The following ANKRD33B variants were observed in gnomAD, a reference collection of about 807,000 sequenced individuals.
ANKRD33B encodes the protein ankyrin repeat domain 33B, also known as ankyrin repeat domain-containing protein 33B.
Under a neutral mutation model 21.5 loss-of-function variants are expected in ANKRD33B, and 6 were observed. The ratio of observed to expected loss-of-function variants is 0.28; its 90% CI spans 0.15 to 0.55. ANKRD33B has a LOEUF of 0.55. Ranked by LOEUF, ANKRD33B falls within the 20% of genes least tolerant of loss-of-function variation. The pLI, the probability that ANKRD33B is intolerant of heterozygous loss-of-function variation, is 0.94. For synonymous variants in ANKRD33B, 347 were observed against 342.4 expected (o/e 1.01, Z -0.15); for missense variants, 698 against 747.2 (o/e 0.93, Z 0.77).
chr5:10,577,606 C>A (rs771411850), intron 1 of ANKRD33B, among the ~76,000 whole-genome samples: 4 of 152,110 alleles, frequency 2.6e-5, no homozygotes, highest in Non-Finnish European at 5.9e-5. Context: ...AAGGGCATGA[C>A]CCTTTCCATG....
chr5:10,592,464 A>C (rs976279335), intron 1 of ANKRD33B, among the ~76,000 whole-genome samples: 2 of 150,184 alleles, frequency 1.3e-5, no homozygotes, highest in Non-Finnish European at 3.0e-5. Flanking sequence ...AAAAAAAAAA[A>C]AAAAAAAAAA....
Position 10,652,834 on chromosome 5 carries a change from C to T in ANKRD33B, c.*2721C>T. The T allele has an allele frequency of 3.4e-6, 1 of 294,384 alleles. No homozygotes were observed. Among genetic ancestry groups the T allele is most frequent in the Non-Finnish European group, 7.1e-6 (1 of 141,602 alleles). 18.2% of individuals were successfully genotyped at this position (294,384 alleles called of 1,614,324 possible). ...TGTCCAGTGATGCTCCTGGTGTCCA[C>T]AAAACAGCTCTAGAGATACCTGCAT... On this transcript the variant is annotated 3_prime_UTR_variant, in exon 4 of 4. Transcript: ENST00000296657. The surrounding 1 kb of genome is among the most constrained non-coding windows in gnomAD (Gnocchi z 4.1).
At chr5:10,648,896 G>A (rs1242459859) in intron 3 of ANKRD33B, among the ~76,000 whole-genome samples, 3 of 152,218 alleles carry the variant, frequency 2.0e-5, no homozygotes, top group African/African-American at 7.2e-5. Flanking sequence ...TTTGGAAGGC[G>A]GAGGTGGGAG....
At chr5:10,579,151 T>A (rs1265486801) in intron 1 of ANKRD33B, among the ~76,000 whole-genome samples, 2 of 138,356 alleles carry the variant, frequency 1.4e-5, no homozygotes, top group Non-Finnish European at 3.0e-5. Flanking sequence ...GCAAGGGAAG[T>A]GATACTGTGT....
chr5:10,638,003 TA>T, intron 2 of ANKRD33B, 24 bp from the exon 3 acceptor site: 1 of 1,535,054 alleles, frequency 6.5e-7, no homozygotes, highest in Non-Finnish European at 8.7e-7. Context: ...TGGGAACCAA[TA>T]CACGTGTACA....
At chr5:10,605,747 T>G (rs1247408493) in intron 1 of ANKRD33B, among the ~76,000 whole-genome samples, 4 of 152,212 alleles carry the variant, frequency 2.6e-5, no homozygotes, top group African/African-American at 9.6e-5. Context: ...CAGGCTGGTC[T>G]CGAACATCTG....
intron 1 of ANKRD33B, among the ~76,000 whole-genome samples, chr5:10,614,429 T>C (rs539902728): frequency 3.9e-5 from 6 of 152,322 alleles, no homozygotes; most frequent in Non-Finnish European, 5.9e-5. Flanking sequence ...CTTCCTTCTG[T>C]TCTTAATATT....
chr5:10,592,876 GCCCTTTTCACCCCTCTGATCAGA>G (rs1735727485), intron 1 of ANKRD33B, among the ~76,000 whole-genome samples: 1 of 151,980 alleles, frequency 6.6e-6, no homozygotes, highest in African/African-American at 2.4e-5. Context: ...TTGCTGACTT[GCCCTTTTCACCCCTCTGATCAGA>G]CCCATCCACC....
At chr5:10,609,452 T>C (rs1035472838) in intron 1 of ANKRD33B, among the ~76,000 whole-genome samples, 1 of 152,110 alleles carries the variant, frequency 6.6e-6, no homozygotes, top group Non-Finnish European at 1.5e-5. Flanking sequence ...CTAGGGAGGC[T>C]GAGGGGGGAG....
At chr5:10,605,760 C>T (rs919297890) in intron 1 of ANKRD33B, among the ~76,000 whole-genome samples, 3 of 152,006 alleles carry the variant, frequency 2.0e-5, no homozygotes, top group Admixed American at 1.3e-4. Flanking sequence ...AACATCTGAC[C>T]TCAGGTGATC....
In ANKRD33B at chr5:10,651,311, C is replaced by G. The variant is rs901617430; in HGVS notation, c.*1198C>G. On this transcript the variant is annotated 3_prime_UTR_variant, in exon 4 of 4. Transcript: ENST00000296657. ...CCGACCTCTTAGAATTTCCAAGATGCAGGGCCTTGGGCAGGGCAGGGCATG... is the reference window on the plus strand; with the variant it reads ...CCGACCTCTTAGAATTTCCAAGATGGAGGGCCTTGGGCAGGGCAGGGCATG... 3 of 152,330 alleles carry G rather than the reference C, an allele frequency of 2.0e-5. No homozygotes were observed. The highest frequency in any genetic ancestry group is 7.2e-5 in the African/African-American group (3 of 41,428). 9.4% of individuals were successfully genotyped at this position (152,330 alleles called of 1,614,324 possible). A position where few individuals can be genotyped will look rare whatever the true frequency, so the allele number is the denominator to read the frequency against.
chr5:10,577,103 C>T (rs535799195), intron 1 of ANKRD33B, among the ~76,000 whole-genome samples: 4 of 148,676 alleles, frequency 2.7e-5, no homozygotes, highest in African/African-American at 7.6e-5. Context: ...CCTTCCCCTT[C>T]CCCTTTCCCT....
chr5:10,648,307 A>G (rs1737236990), intron 3 of ANKRD33B, among the ~76,000 whole-genome samples: 1 of 152,252 alleles, frequency 6.6e-6, no homozygotes, highest in Non-Finnish European at 1.5e-5. Context: ...GCAGTCCTCA[A>G]GAGTGAGACC....
rs546152574 is a variant in ANKRD33B at position 10,624,887 on chromosome 5, C to A, written c.496+6425C>A. 416 of 445,038 alleles carry A rather than the reference C, an allele frequency of 9.3e-4. 9 individuals carry two copies. The highest frequency in any genetic ancestry group is 6.6e-3 in the South Asian group (413 of 62,878). 27.6% of individuals were successfully genotyped at this position (445,038 alleles called of 1,614,324 possible). On this transcript the variant is annotated intron_variant, in intron 2 of 3. Coordinates refer to ENST00000296657, the MANE Select transcript of ANKRD33B (RefSeq NM_001164440.2). ...CCCCTGGAGTCTTTCTTTGAATAGG[C>A]CTGGGGTGGGGCCCAAGAATGAGCA... is the stretch of plus-strand genomic sequence containing the variant.
intron 2 of ANKRD33B, among the ~76,000 whole-genome samples, chr5:10,633,536 G>A (rs1736784170): frequency 6.6e-6 from 1 of 152,230 alleles, no homozygotes; most frequent in African/African-American, 2.4e-5. Context: ...TCCGTGACGC[G>A]CTGAACACAA....
Position 10,649,563 on chromosome 5 carries a change from C to T in ANKRD33B, c.935C>T (p.Thr312Ile). 1 of 1,524,412 alleles carries T rather than the reference C, an allele frequency of 6.6e-7. No individual in the cohort carries two copies. The highest frequency in any genetic ancestry group is 8.8e-7 in the Non-Finnish European group (1 of 1,140,610). The allele number at this position is 1,524,412 out of a possible 1,614,324, so 94.4% of individuals were successfully genotyped here. ...GGVLDHMVRMTTSLYSPAVAI... is the reference protein window; with the variant it reads ...GGVLDHMVRMITSLYSPAVAI... ...GTCCTGGACCACATGGTCCGGATGACCACGAGCCTCTACAGCCCCGCCGTG... is the reference window on the plus strand; with the variant it reads ...GTCCTGGACCACATGGTCCGGATGATCACGAGCCTCTACAGCCCCGCCGTG... The change falls in exon 4 of 4, where the codon ACC becomes ATC. Residue 312 changes from threonine (T) to isoleucine (I), a missense_variant. Physicochemically the swap from Thr to Ile is moderately conservative, Grantham distance 89. Coordinates refer to ENST00000296657, the MANE Select transcript of ANKRD33B (RefSeq NM_001164440.2).
At chr5:10,590,452 T>A (rs542546592) in intron 1 of ANKRD33B, among the ~76,000 whole-genome samples, 1 of 152,242 alleles carries the variant, frequency 6.6e-6, no homozygotes, top group East Asian at 1.9e-4. Flanking sequence ...AAATATGGCC[T>A]GGGCAGATCA....
intron 1 of ANKRD33B, among the ~76,000 whole-genome samples, chr5:10,606,767 C>T (rs1208209088): frequency 1.6e-4 from 23 of 147,876 alleles, no homozygotes; most frequent in Non-Finnish European, 2.5e-4. Context: ...CTTGCTCTGT[C>T]GCCCAGGTTA....
At chr5:10,571,012 AATTATT>A (rs966924961) in intron 1 of ANKRD33B, among the ~76,000 whole-genome samples, 7 of 149,890 alleles carry the variant, frequency 4.7e-5, no homozygotes, top group Admixed American at 3.4e-4. Context: ...ATAACATTGT[AATTATT>A]ATTATTATTG....
Sources: allele counts gnomAD v4.1 joint callset (sites outside exome capture counted in the v4.1 genomes callset), GRCh38; gene constraint gnomAD v4.1.1; non-coding constraint Gnocchi (gnomAD v3.1); transcripts MANE v1.5; gene names NCBI Gene and HGNC (gene_info 2026-07-23, HGNC 2026-07-21).